Variants in PALM2AKAP2 observed in about 807,000 individuals in gnomAD.
PALM2AKAP2 encodes the protein PALM2 and AKAP2 fusion, also known as PALM2-AKAP2 fusion protein.
PALM2AKAP2 carries 37 observed loss-of-function variants against 71.5 expected under a neutral mutation model. The observed-to-expected ratio is 0.52, with a 90% CI of 0.40 to 0.68. The LOEUF (loss-of-function observed/expected upper bound fraction) is 0.68, where lower values mean the gene tolerates loss of function less well. Ranked by LOEUF, PALM2AKAP2 falls within the 30% of genes least tolerant of loss-of-function variation. PALM2AKAP2 has a pLI of 0.00. For missense variants in PALM2AKAP2, 1,224 were observed against 1,191.8 expected, an observed-to-expected ratio of 1.03 and a Z score of -0.40; for synonymous variants, 468 against 478.8, an observed-to-expected ratio of 0.98 and a Z score of 0.29.
At chr9:110,108,526 A>G (rs1835169610) in intron 1 of PALM2AKAP2, among the ~76,000 whole-genome samples, 1 of 152,210 alleles carries the variant, frequency 6.6e-6, no homozygotes, top group African/African-American at 2.4e-5. Context: ...AATATAATCA[A>G]TAACTATTGT....
intron 1 of PALM2AKAP2, among the ~76,000 whole-genome samples, chr9:109,727,539 T>A (rs574451433): frequency 6.6e-6 from 1 of 152,088 alleles, no homozygotes; most frequent in African/African-American, 2.4e-5. Context: ...AGCTGAGGAG[T>A]TCTGATGCAG....
At chr9:109,668,339 A>G (rs1458068969) in intron 1 of PALM2AKAP2, among the ~76,000 whole-genome samples, 1 of 152,250 alleles carries the variant, frequency 6.6e-6, no homozygotes, top group Non-Finnish European at 1.5e-5. Flanking sequence ...TCATTTGCAT[A>G]TAGAGGAAAA....
intron 3 of PALM2AKAP2, among the ~76,000 whole-genome samples, chr9:109,887,607 G>A (rs1829994819): frequency 6.6e-6 from 1 of 151,922 alleles, no homozygotes; most frequent in South Asian, 2.1e-4. Context: ...TTTAAGCCTT[G>A]TAATACTCCC....
chr9:109,828,833 A>G (rs1302423267), intron 1 of PALM2AKAP2, among the ~76,000 whole-genome samples: 1 of 152,280 alleles, frequency 6.6e-6, no homozygotes, highest in East Asian at 1.9e-4. Context: ...GGATCTCATA[A>G]TGAAAGGGGA....
chr9:109,753,365 G>A (rs1437077782), intron 1 of PALM2AKAP2, among the ~76,000 whole-genome samples: 1 of 151,962 alleles, frequency 6.6e-6, no homozygotes, highest in Non-Finnish European at 1.5e-5. Flanking sequence ...AATGGGGGAC[G>A]GGGAAAAAGA....
At chr9:109,783,166 G>A (rs1826864281) in intron 1 of PALM2AKAP2, among the ~76,000 whole-genome samples, 1 of 152,082 alleles carries the variant, frequency 6.6e-6, no homozygotes, top group Admixed American at 6.6e-5. Context: ...TACCTCCTGG[G>A]CTGGTTGTAA....
chr9:109,897,471 T>G (rs1830227950), intron 3 of PALM2AKAP2, among the ~76,000 whole-genome samples: 1 of 151,914 alleles, frequency 6.6e-6, no homozygotes, highest in South Asian at 2.1e-4. Context: ...TCCCAGCTAC[T>G]CGGGAGGCTG....
intron 1 of PALM2AKAP2, among the ~76,000 whole-genome samples, chr9:110,076,262 C>T (rs944304139): frequency 6.6e-6 from 1 of 151,846 alleles, no homozygotes; most frequent in African/African-American, 2.4e-5. Context: ...TCCTTAATAG[C>T]TATAAAATAT....
intron 2 of PALM2AKAP2, among the ~76,000 whole-genome samples, chr9:109,873,022 C>T (rs1829641675): frequency 6.6e-6 from 1 of 152,130 alleles, no homozygotes; most frequent in Non-Finnish European, 1.5e-5. Context: ...AAAACCAAAC[C>T]AAGATCTTAT....
intron 2 of PALM2AKAP2, among the ~76,000 whole-genome samples, chr9:109,871,285 C>A (rs147443089): frequency 1.8e-3 from 267 of 152,194 alleles, no homozygotes; most frequent in Middle Eastern, 6.8e-3. Context: ...CAGTAAAAGA[C>A]TAAAGTATAA....
intron 1 of PALM2AKAP2, among the ~76,000 whole-genome samples, chr9:110,089,395 T>C (rs1332557065): frequency 1.3e-5 from 2 of 152,192 alleles, no homozygotes; most frequent in African/African-American, 4.8e-5. Flanking sequence ...GAATATGGCA[T>C]GGCTACAGCA....
intron 1 of PALM2AKAP2, among the ~76,000 whole-genome samples, chr9:109,820,242 G>T (rs1827961935): frequency 6.6e-6 from 1 of 152,148 alleles, no homozygotes; most frequent in Admixed American, 6.5e-5. Context: ...CCATCTGGAG[G>T]CAAACATGCC....
At chr9:109,912,868 A>G (rs941146146) in intron 3 of PALM2AKAP2, among the ~76,000 whole-genome samples, 1 of 152,242 alleles carries the variant, frequency 6.6e-6, no homozygotes, top group African/African-American at 2.4e-5. Flanking sequence ...GAGTTTTACC[A>G]TGGGACGAAT....
At chr9:109,763,150 A>G (rs2067282690) in intron 1 of PALM2AKAP2, among the ~76,000 whole-genome samples, 1 of 152,144 alleles carries the variant, frequency 6.6e-6, no homozygotes, top group Admixed American at 6.5e-5. Flanking sequence ...TGGACAGGTT[A>G]ACATATCCCG....
chr9:109,917,018 G>A (rs978054326), intron 3 of PALM2AKAP2, among the ~76,000 whole-genome samples: 3 of 152,208 alleles, frequency 2.0e-5, no homozygotes, highest in African/African-American at 7.2e-5. Flanking sequence ...CCAAACAGCT[G>A]ACTTTAAAAT....
intron 6 of PALM2AKAP2, among the ~76,000 whole-genome samples, chr9:110,010,732 G>A (rs1832865965): frequency 6.7e-6 from 1 of 148,406 alleles, no homozygotes; most frequent in Non-Finnish European, 1.5e-5. Context: ...GGGTACGGTG[G>A]CTCACGCTTG....
chr9:110,050,763 G>A (rs955323516), intron 1 of PALM2AKAP2, among the ~76,000 whole-genome samples: 1 of 152,032 alleles, frequency 6.6e-6, no homozygotes, highest in African/African-American at 2.4e-5. Context: ...GAATACCTGG[G>A]ATTACAGGCA....
intron 1 of PALM2AKAP2, among the ~76,000 whole-genome samples, chr9:110,110,368 G>C (rs1333989842): frequency 6.6e-6 from 1 of 151,970 alleles, no homozygotes; most frequent in African/African-American, 2.4e-5. Context: ...TAGCTTTGAT[G>C]GGGGAAGGAA....
intron 1 of PALM2AKAP2, among the ~76,000 whole-genome samples, chr9:109,691,095 C>T (rs1028426640): frequency 2.6e-5 from 4 of 151,894 alleles, no homozygotes; most frequent in African/African-American, 9.7e-5. Flanking sequence ...AACATAATCG[C>T]AGTATAAGAT....
Sources: gnomAD v4.1 joint callset for allele counts (sites outside exome capture counted in the v4.1 genomes callset) on GRCh38, gnomAD v4.1.1 for gene constraint, MANE v1.5 for transcripts, NCBI Gene and HGNC (gene_info 2026-07-23, HGNC 2026-07-21) for gene names.